The following ZC3H7A variants were observed in gnomAD, a reference collection of about 807,000 sequenced individuals.
ZC3H7A encodes zinc finger CCCH domain-containing protein 7A.
A neutral mutation model predicts 125.5 loss-of-function variants in ZC3H7A; 44 were observed. The observed-to-expected ratio is 0.35, with a 90% CI of 0.28 to 0.45. The LOEUF is 0.45. Ranked by LOEUF, ZC3H7A falls within the 20% of genes least tolerant of loss-of-function variation. The pLI is 1.00. For synonymous variants in ZC3H7A, 399 were observed against 391.2 expected (o/e 1.02, Z -0.23); for missense variants, 977 against 1,170.7 (o/e 0.83, Z 2.41).
intron 18 of ZC3H7A, 41 bp from the exon 19 acceptor site, chr16:11,761,552 G>C (rs769309149): frequency 6.2e-7 from 1 of 1,601,982 alleles, no homozygotes; most frequent in Admixed American, 1.7e-5. Flanking sequence ...AGACACACGA[G>C]CAAAAGACAT....
intron 1 of ZC3H7A, 56 bp from the exon 2 acceptor site, chr16:11,782,444 T>A: frequency 2.1e-6 from 3 of 1,414,000 alleles, no homozygotes; most frequent in South Asian, 1.1e-5. Flanking sequence ...TGGACTCCAA[T>A]GAAAACACCC....
intron 1 of ZC3H7A, among the ~76,000 whole-genome samples, chr16:11,795,601 G>A (rs1441669576): frequency 6.6e-6 from 1 of 151,352 alleles, no homozygotes; most frequent in Non-Finnish European, 1.5e-5. Flanking sequence ...ACGCCTGGCT[G>A]ATTTTTGTAT....
intron 7 of ZC3H7A, 62 bp from the exon 8 acceptor site, chr16:11,775,075 A>G (rs2053056756): frequency 6.3e-7 from 1 of 1,582,810 alleles, no homozygotes; most frequent in Admixed American, 1.7e-5. Flanking sequence ...TAAAACAATC[A>G]GTAAAACTCA....
At chr16:11,756,989 T>C (rs1484397705) in intron 20 of ZC3H7A, among the ~76,000 whole-genome samples, 1 of 90,092 alleles carries the variant, frequency 1.1e-5, no homozygotes, top group Non-Finnish European at 2.1e-5. Context: ...TATTGCCAAG[T>C]GCTAAAGCTG....
chr16:11,757,867 G>C lies in ZC3H7A; in HGVS notation c.2428+564C>G, dbSNP rs528943100. ...ACTGCAGTCAGTATACCTTTCATCA[G>C]TTTACTTAAGATTAAAGAATAATGA... On this transcript the variant is annotated intron_variant, in intron 20 of 22. Transcript: ENST00000355758. Among the ~76,000 whole-genome samples the C allele has an allele frequency of 1.3e-4, 20 of 152,306 alleles. No homozygotes were observed. The South Asian group carries it at 3.9e-3, about 30-fold the overall frequency.
chr16:11,758,887 C>G, intron 19 of ZC3H7A: 1 of 249,030 alleles, frequency 4.0e-6, no homozygotes, highest in Non-Finnish European at 7.7e-6. Flanking sequence ...CCCTGCCCAA[C>G]ACTAATGATT....
At chr16:11,793,996 C>T (rs1030987698) in intron 1 of ZC3H7A, among the ~76,000 whole-genome samples, 8 of 152,182 alleles carry the variant, frequency 5.3e-5, no homozygotes, top group East Asian at 1.9e-4. Flanking sequence ...CCTCCCTCTG[C>T]GAAGAGGCTC....
At chr16:11,795,973 G>A (rs1378300929) in intron 1 of ZC3H7A, among the ~76,000 whole-genome samples, 1 of 151,940 alleles carries the variant, frequency 6.6e-6, no homozygotes, top group East Asian at 1.9e-4. Context: ...GCTGACTACC[G>A]GCGTGCGCCA....
chr16:11,757,490 A>C (rs2052671852), intron 20 of ZC3H7A, among the ~76,000 whole-genome samples: 1 of 150,488 alleles, frequency 6.6e-6, no homozygotes, highest in Non-Finnish European at 1.5e-5. Flanking sequence ...TCTCAAAAAA[A>C]AAAAAAAAAA....
chr16:11,785,712 C>A (rs576827550), intron 1 of ZC3H7A, among the ~76,000 whole-genome samples: 1 of 152,308 alleles, frequency 6.6e-6, no homozygotes, highest in African/African-American at 2.4e-5. Context: ...CTCCGCCTCC[C>A]GGCATCACAC....
intron 1 of ZC3H7A, among the ~76,000 whole-genome samples, chr16:11,784,142 G>T (rs2053217136): frequency 6.6e-6 from 1 of 152,062 alleles, no homozygotes; most frequent in African/African-American, 2.4e-5. Flanking sequence ...GAGTAAAATG[G>T]CACTATTTCT....
At chr16:11,771,246 T>G (rs1449951956) in intron 9 of ZC3H7A, among the ~76,000 whole-genome samples, 1 of 151,812 alleles carries the variant, frequency 6.6e-6, no homozygotes, top group East Asian at 2.0e-4. Context: ...ACATTGGCTG[T>G]GCATGGTGGC....
rs1352255227 is a variant in ZC3H7A at position 11,773,659 on chromosome 16, G to A, written c.903+577C>T. Among the ~76,000 whole-genome samples, 10 of 151,902 alleles carry A rather than the reference G, an allele frequency of 6.6e-5. No individual in the cohort carries two copies. The South Asian group carries it at 2.1e-3, about 31-fold the overall frequency. ...GCACTTTGGGAGGCCGAGGCGGGTGGATCACGAGGTCAGGAGATCAAGACC... is the reference window on the plus strand; with the variant it reads ...GCACTTTGGGAGGCCGAGGCGGGTGAATCACGAGGTCAGGAGATCAAGACC... On this transcript the variant is annotated intron_variant, in intron 9 of 22. Coordinates refer to ENST00000355758, the MANE Select transcript of ZC3H7A (RefSeq NM_014153.4).
intron 2 of ZC3H7A, 82 bp downstream of exon 2, chr16:11,782,205 A>G (rs1463592745): frequency 1.1e-5 from 16 of 1,494,176 alleles, no homozygotes. Context: ...ACATGACTAA[A>G]GAGTTCTTCC....
intron 1 of ZC3H7A, among the ~76,000 whole-genome samples, chr16:11,783,504 C>A (rs1203722909): frequency 6.6e-6 from 1 of 152,138 alleles, no homozygotes; most frequent in East Asian, 1.9e-4. Flanking sequence ...AGGACATTGG[C>A]AGTATTTCTG....
intron 19 of ZC3H7A, among the ~76,000 whole-genome samples, chr16:11,761,126 A>C (rs1473883263): frequency 6.6e-6 from 1 of 152,186 alleles, no homozygotes; most frequent in African/African-American, 2.4e-5. Flanking sequence ...CTCCAAAGTA[A>C]TTCATCTAAA....
At chr16:11,757,048 G>C (rs1007712094) in intron 20 of ZC3H7A, among the ~76,000 whole-genome samples, 1 of 152,172 alleles carries the variant, frequency 6.6e-6, no homozygotes, top group Admixed American at 6.5e-5. Context: ...AGAATTCTTT[G>C]CTGGGGGTAT....
intron 21 of ZC3H7A, chr16:11,753,057 C>T: frequency 2.0e-6 from 1 of 497,362 alleles, no homozygotes; most frequent in Non-Finnish European, 3.5e-6. Flanking sequence ...GGTAAAGAGG[C>T]AATAGGAGCT....
chr16:11,771,345 G>A (rs983042186), intron 9 of ZC3H7A, among the ~76,000 whole-genome samples: 6 of 151,492 alleles, frequency 4.0e-5, no homozygotes, highest in African/African-American at 7.3e-5. Context: ...CCAAGATCAC[G>A]CAATTGCACT....
Sources: gnomAD v4.1 joint callset for allele counts (sites outside exome capture counted in the v4.1 genomes callset) on GRCh38, gnomAD v4.1.1 for gene constraint, MANE v1.5 for transcripts, NCBI Gene and HGNC (gene_info 2026-07-23, HGNC 2026-07-21) for gene names.